Variants in RBFOX1 observed in about 807,000 individuals in gnomAD.
RBFOX1 encodes the protein RNA binding protein fox-1 homolog 1.
A neutral mutation model predicts 57.7 loss-of-function variants in RBFOX1; 8 were observed. The ratio of observed to expected loss-of-function variants is 0.14; its 90% CI spans 0.08 to 0.25. RBFOX1 has a LOEUF of 0.25. RBFOX1 is among the 10% of genes least tolerant of loss of function. The probability of loss-of-function intolerance (pLI) is 1.00; values close to 1 mark genes in which losing one functional copy is unlikely to be tolerated. For missense variants in RBFOX1, 611 were observed against 548.5 expected (o/e 1.11, Z -1.14); for synonymous variants, 326 against 222.4 (o/e 1.47, Z -4.15).
chr16:5,836,728 C>T (rs866410176), intron 3 of RBFOX1, among the ~76,000 whole-genome samples: 2 of 152,288 alleles, frequency 1.3e-5, no homozygotes, highest in Non-Finnish European at 2.9e-5. Context: ...CTGGCCTCTA[C>T]CCACTAGATG....
chr16:7,580,892 C>G (rs1024477800), intron 6 of RBFOX1, among the ~76,000 whole-genome samples: 17 of 152,128 alleles, frequency 1.1e-4, no homozygotes, highest in African/African-American at 3.6e-4. Flanking sequence ...TGACTTAGAG[C>G]AATGGTGGGC....
intron 3 of RBFOX1, among the ~76,000 whole-genome samples, chr16:6,664,923 C>G (rs777557987): frequency 2.6e-5 from 4 of 152,186 alleles, no homozygotes; most frequent in Non-Finnish European, 5.9e-5. Context: ...GCTGCATCGT[C>G]TATAAAACAG....
intron 4 of RBFOX1, among the ~76,000 whole-genome samples, chr16:7,362,956 C>T (rs528816481): frequency 1.2e-4 from 18 of 152,246 alleles, no homozygotes; most frequent in Admixed American, 1.0e-3. Flanking sequence ...AGTCACTTAG[C>T]CTCTCTGAGC....
intron 2 of RBFOX1, among the ~76,000 whole-genome samples, chr16:5,567,364 T>C (rs1349003824): frequency 3.3e-5 from 5 of 152,180 alleles, no homozygotes; most frequent in Admixed American, 6.5e-5. Context: ...TATCATTCTG[T>C]ACAATGTTCC....
At chr16:7,545,029 G>C (rs1198531831) in intron 5 of RBFOX1, among the ~76,000 whole-genome samples, 2 of 152,228 alleles carry the variant, frequency 1.3e-5, no homozygotes, top group Non-Finnish European at 2.9e-5. Flanking sequence ...GAGCAGTACA[G>C]TGAAATTGCA....
At chr16:6,896,712 C>CATCT (rs2067007874) in intron 3 of RBFOX1, among the ~76,000 whole-genome samples, 1 of 152,090 alleles carries the variant, frequency 6.6e-6, no homozygotes, top group Non-Finnish European at 1.5e-5. Flanking sequence ...GAAAAGTGCC[C>CATCT]GGTAAATTAT....
chr16:6,353,364 A>G (rs984839663), intron 2 of RBFOX1, among the ~76,000 whole-genome samples: 2 of 151,166 alleles, frequency 1.3e-5, no homozygotes, highest in East Asian at 1.9e-4. Flanking sequence ...GTTTTTTGGG[A>G]TGGGTATTAG....
intron 2 of RBFOX1, among the ~76,000 whole-genome samples, chr16:6,649,714 A>G (rs1488687425): frequency 6.6e-6 from 1 of 152,202 alleles, no homozygotes; most frequent in Non-Finnish European, 1.5e-5. Flanking sequence ...TTTATGGCTC[A>G]GTAGTATTCC....
chr16:6,917,674 G>A (rs1342134423), intron 3 of RBFOX1, among the ~76,000 whole-genome samples: 2 of 152,178 alleles, frequency 1.3e-5, no homozygotes, highest in African/African-American at 4.8e-5. Flanking sequence ...TTTGAAGGAG[G>A]GTCTGTGTGC....
At chr16:7,379,909 A>G (rs2097758454) in intron 4 of RBFOX1, among the ~76,000 whole-genome samples, 1 of 151,710 alleles carries the variant, frequency 6.6e-6, no homozygotes, top group African/African-American at 2.4e-5. Flanking sequence ...CTGAGGTGCA[A>G]TGGCACCATC....
At chr16:6,676,685 T>C (rs1274043326) in intron 3 of RBFOX1, among the ~76,000 whole-genome samples, 2 of 146,430 alleles carry the variant, frequency 1.4e-5, no homozygotes, top group Admixed American at 1.4e-4. Context: ...TTTTTTTTTT[T>C]TTTTTTTGAG....
intron 1 of RBFOX1, among the ~76,000 whole-genome samples, chr16:6,104,047 C>T (rs1157157849): frequency 6.6e-6 from 1 of 152,076 alleles, no homozygotes; most frequent in Admixed American, 6.6e-5. Context: ...CTCTGGTCCT[C>T]AGCCTAGCAG....
intron 2 of RBFOX1, among the ~76,000 whole-genome samples, chr16:6,384,041 T>G (rs1044638057): frequency 2.7e-5 from 4 of 149,694 alleles, no homozygotes; most frequent in Non-Finnish European, 5.9e-5. Flanking sequence ...CCACCATTCA[T>G]CTCTCTTGAT....
intron 1 of RBFOX1, among the ~76,000 whole-genome samples, chr16:5,424,949 TTC>T (rs1245970886): frequency 0.13 from 11,409 of 90,244 alleles, 1,355 homozygotes; most frequent in South Asian, 0.14. Flanking sequence ...CTCTTCTTTC[TTC>T]CTTTGTTTCT....
At chr16:7,353,442 G>C (rs2097162257) in intron 4 of RBFOX1, among the ~76,000 whole-genome samples, 1 of 152,090 alleles carries the variant, frequency 6.6e-6, no homozygotes, top group Admixed American at 6.6e-5. Context: ...TTATGACCCA[G>C]CAATTCTGCT....
chr16:7,285,809 G>T (rs915758225), intron 4 of RBFOX1, among the ~76,000 whole-genome samples: 2 of 152,150 alleles, frequency 1.3e-5, no homozygotes, highest in African/African-American at 4.8e-5. Context: ...CTAACTCCTG[G>T]ATTTAGCTCT....
intron 2 of RBFOX1, among the ~76,000 whole-genome samples, chr16:5,546,360 A>T (rs534585762): frequency 1.3e-5 from 2 of 152,316 alleles, no homozygotes; most frequent in South Asian, 4.1e-4. Context: ...ACCAGTAATA[A>T]CCAAAACAGC....
At chr16:6,287,338 A>G (rs74005072) in intron 1 of RBFOX1, among the ~76,000 whole-genome samples, 187 of 152,294 alleles carry the variant, frequency 1.2e-3, no homozygotes, top group African/African-American at 4.2e-3. Context: ...TCGGACTTGA[A>G]GTGATCTTCG....
chr16:5,983,148 G>C (rs138222344), intron 4 of RBFOX1, among the ~76,000 whole-genome samples: 1 of 152,148 alleles, frequency 6.6e-6, no homozygotes, highest in Non-Finnish European at 1.5e-5. Flanking sequence ...CCAGCTCTGC[G>C]TCCCTGCCCC....
Sources: allele counts gnomAD v4.1 joint callset (sites outside exome capture counted in the v4.1 genomes callset), GRCh38; gene constraint gnomAD v4.1.1; transcripts MANE v1.5; gene names NCBI Gene and HGNC (gene_info 2026-07-23, HGNC 2026-07-21).